Variants in DNAH9 observed in about 807,000 individuals in gnomAD.
The protein encoded by DNAH9 is dynein axonemal heavy chain 9, also known as DNAH9 variant protein.
In DNAH9, 345 loss-of-function variants were observed where a neutral mutation model predicts 471.6. That is an observed-to-expected ratio of 0.73 (90% CI 0.67 to 0.80). The LOEUF (loss-of-function observed/expected upper bound fraction) is 0.80. Among genes scored for constraint, DNAH9 ranks in the 30% least tolerant of loss-of-function variants. The pLI, the probability that DNAH9 is intolerant of heterozygous loss-of-function variation, is 0.00. For missense variants in DNAH9, 5,407 were observed against 5,609.2 expected (o/e 0.96, Z 1.15); for synonymous variants, 2,093 against 2,123.6 (o/e 0.99, Z 0.40).
Position 11,680,746 on chromosome 17 carries a change from C to T in DNAH9, c.3600C>T (p.Asn1200=). Residue 1200 remains asparagine (N), a synonymous_variant, in exon 19 of 69, where the codon AAC becomes AAT. Coordinates refer to ENST00000262442, the MANE Select transcript of DNAH9 (RefSeq NM_001372.4). ...QLEELPEKWN[N]IKKVAITVKQ... is the part of the protein sequence containing the mutation. ...AGGAGCTGCCTGAGAAATGGAACAA[C>T]ATAAAAAAGGTGGCCATTACTGTGA... The T allele has an allele frequency of 1.9e-6, 3 of 1,613,996 alleles. No individual in the cohort carries two copies. Among genetic ancestry groups the T allele is most frequent in the Non-Finnish European group, 2.5e-6 (3 of 1,179,970 alleles).
rs1040501899 is a variant in DNAH9, at chr17:11,892,547, T to G, written c.11283+600T>G. Among the ~76,000 whole-genome samples the G allele has an allele frequency of 7.2e-5, 11 of 152,030 alleles. No homozygotes were observed. The highest frequency in any genetic ancestry group is 3.9e-4 in the Admixed American group (6 of 15,262). On this transcript the variant is annotated intron_variant, in intron 58 of 68. Coordinates refer to ENST00000262442, the MANE Select transcript of DNAH9 (RefSeq NM_001372.4). This position sits in a 1 kb window ranked among gnomAD's most constrained non-coding sequence, Gnocchi z 4.3. ...TCTCAACATCAAAAAACCATGAAAA[T>G]TTACTTCCTTTTTTTTATTTTGAGA...
At chr17:11,732,339 A>T (rs2075282653) in intron 28 of DNAH9, among the ~76,000 whole-genome samples, 2 of 152,182 alleles carry the variant, frequency 1.3e-5, no homozygotes, top group African/African-American at 4.8e-5. Context: ...GCCCAGGCAA[A>T]ATCTGAGCGG....
chr17:11,935,498 C>A (rs1260673862), intron 65 of DNAH9, among the ~76,000 whole-genome samples: 1 of 151,882 alleles, frequency 6.6e-6, no homozygotes, highest in Non-Finnish European at 1.5e-5. Context: ...GCCTCAGCCT[C>A]CTGAGTAGCT....
intron 36 of DNAH9, among the ~76,000 whole-genome samples, chr17:11,768,147 C>T (rs1056295728): frequency 6.6e-6 from 1 of 152,166 alleles, no homozygotes; most frequent in African/African-American, 2.4e-5. Flanking sequence ...GATTCTCCCC[C>T]GTGTTCTTCC....
chr17:11,838,093 T>C (rs1431436708), intron 49 of DNAH9, among the ~76,000 whole-genome samples: 1 of 152,240 alleles, frequency 6.6e-6, no homozygotes, highest in Non-Finnish European at 1.5e-5. Context: ...GCATACTGAA[T>C]GTTAATTTAA....
intron 12 of DNAH9, 58 bp from the exon 13 acceptor site, chr17:11,651,011 G>A (rs2073495345): frequency 1.3e-5 from 20 of 1,566,264 alleles, no homozygotes; most frequent in Non-Finnish European, 1.7e-5. Flanking sequence ...TTTGACCAAT[G>A]CTGCAGATTA....
chr17:11,759,581 G>A (rs990312486), intron 35 of DNAH9, among the ~76,000 whole-genome samples: 26 of 141,926 alleles, frequency 1.8e-4, no homozygotes, highest in Middle Eastern at 3.7e-3. Context: ...GGAGTGCAGT[G>A]GTGCGATCTT....
chr17:11,930,974 C>T (rs1184611082), intron 63 of DNAH9, among the ~76,000 whole-genome samples: 4 of 152,128 alleles, frequency 2.6e-5, no homozygotes, highest in East Asian at 1.9e-4. Flanking sequence ...TATGTTGTAG[C>T]GTATTTATTT....
chr17:11,726,664 A>G (rs1473759164), intron 27 of DNAH9, among the ~76,000 whole-genome samples: 1 of 152,114 alleles, frequency 6.6e-6, no homozygotes, highest in African/African-American at 2.4e-5. Flanking sequence ...TTTTATGTAT[A>G]TACCTTATCT....
chr17:11,966,117 G>A (rs767994965), intron 68 of DNAH9, among the ~76,000 whole-genome samples: 12 of 152,146 alleles, frequency 7.9e-5, no homozygotes, highest in African/African-American at 1.4e-4. Flanking sequence ...TGTCCAAGAA[G>A]CTCAGTGAAA....
At chr17:11,681,626 T>C (rs1289845674) in intron 19 of DNAH9, among the ~76,000 whole-genome samples, 1 of 152,202 alleles carries the variant, frequency 6.6e-6, no homozygotes, top group Non-Finnish European at 1.5e-5. Flanking sequence ...GTTTCCTGTT[T>C]CCTTGAGCTT....
At chr17:11,884,117 A>G (rs1278224628) in intron 56 of DNAH9, among the ~76,000 whole-genome samples, 1 of 152,162 alleles carries the variant, frequency 6.6e-6, no homozygotes, top group African/African-American at 2.4e-5. Context: ...ACTGCTGGAA[A>G]AGCCAACTGG....
chr17:11,685,010 G>A (rs1461981171), intron 19 of DNAH9, among the ~76,000 whole-genome samples: 1 of 152,198 alleles, frequency 6.6e-6, no homozygotes, highest in African/African-American at 2.4e-5. Flanking sequence ...GAGTAGATGA[G>A]GTTATGGTCT....
intron 49 of DNAH9, 59 bp from the exon 50 acceptor site, chr17:11,853,944 G>A: frequency 6.6e-7 from 1 of 1,525,056 alleles, no homozygotes; most frequent in Non-Finnish European, 8.9e-7. Context: ...CTCCATCAGT[G>A]GCAGAGGACA....
In DNAH9 at chr17:11,663,047, G is replaced by A. The variant is rs1005416824; in HGVS notation, c.2596-1786G>A. Among the ~76,000 whole-genome samples the A allele has an allele frequency of 7.9e-5, 12 of 152,176 alleles. No homozygotes were observed. The South Asian group carries it at 1.2e-3, about 16-fold the overall frequency. ...TGGGATTACAGGCGTGAGCCACCGC[G>A]CCCGGCCCGAGGCTCGCTTTTTAAG... On this transcript the variant is annotated intron_variant, in intron 14 of 68. Transcript: ENST00000262442.
At chr17:11,923,711 C>T (rs1974217429) in intron 61 of DNAH9, 103 bp from the exon 62 acceptor site, 1 of 1,433,400 alleles carries the variant, frequency 7.0e-7, no homozygotes, top group Admixed American at 1.9e-5. Context: ...TTTGGGCATG[C>T]CCGTGTTTGA....
Position 11,854,394 on chromosome 17 carries a change from A to C in DNAH9, c.9899A>C (p.Gln3300Pro). ...GCCACCGCGGACCTCACAGCTGCCCAGGAGAAGCTGGCTGCCATCAAAGCC... is the reference window on the plus strand; with the variant it reads ...GCCACCGCGGACCTCACAGCTGCCCCGGAGAAGCTGGCTGCCATCAAAGCC... ...NKATADLTAA[Q>P]EKLAAIKAKI... Residue 3300 changes from glutamine to proline, a missense_variant, in exon 50 of 69, where the codon CAG (glutamine) becomes CCG (proline). Transcript: ENST00000262442. The C allele has an allele frequency of 6.2e-7, 1 of 1,613,372 alleles. No homozygotes were observed.
chr17:11,775,236 T>C (rs190333717), intron 38 of DNAH9, among the ~76,000 whole-genome samples: 96 of 152,264 alleles, frequency 6.3e-4, no homozygotes, highest in African/African-American at 2.1e-3. Flanking sequence ...TAAGATAAAG[T>C]ATGTAAAACA....
In DNAH9 at chr17:11,699,816, G is replaced by C. The variant is rs1286678108; in HGVS notation, c.4958G>C (p.Ser1653Thr). The C allele has an allele frequency of 6.2e-7, 1 of 1,614,174 alleles. No individual in the cohort carries two copies. Among genetic ancestry groups the C allele is most frequent in the Admixed American group, 1.7e-5 (1 of 60,026 alleles). The change falls in exon 23 of 69, where the codon AGC (serine) becomes ACC (threonine). Residue 1653 changes from serine (S) to threonine (T), a missense_variant. Physicochemically the swap from Ser to Thr is moderately conservative, Grantham distance 58. Coordinates refer to ENST00000262442, the MANE Select transcript of DNAH9 (RefSeq NM_001372.4). ...LDASGEPTKT[S>T]LGMYSKEEEY... ...GCCAGTGGGGAACCAACCAAGACAA[G>C]CCTCGGCATGTACAGCAAAGAAGAG...
Sources: allele counts gnomAD v4.1 joint callset (sites outside exome capture counted in the v4.1 genomes callset), GRCh38; gene constraint gnomAD v4.1.1; non-coding constraint Gnocchi (gnomAD v3.1); transcripts MANE v1.5; gene names NCBI Gene and HGNC (gene_info 2026-07-23, HGNC 2026-07-21).